Variants in ZNF292 observed in about 807,000 individuals in gnomAD.
ZNF292 encodes the protein 16 zinc-finger domain protein.
In ZNF292, 26 loss-of-function variants were observed where a neutral mutation model predicts 217.9. That is an observed-to-expected ratio of 0.12 (90% confidence interval 0.09 to 0.17). ZNF292 has a LOEUF of 0.17. Ranked by LOEUF, ZNF292 falls within the 10% of genes least tolerant of loss-of-function variation. The pLI is 1.00. For missense variants in ZNF292, 2,904 were observed against 3,175.2 expected, an observed-to-expected ratio of 0.91 and a Z score of 2.05; for synonymous variants, 1,257 against 1,124.1, an observed-to-expected ratio of 1.12 and a Z score of -2.37.
chr6:87,231,052 C>A (rs184096473), intron 4 of ZNF292, among the ~76,000 whole-genome samples: 1 of 152,152 alleles, frequency 6.6e-6, no homozygotes, highest in Admixed American at 6.5e-5. Flanking sequence ...TGAAAACAGT[C>A]TTTGTTGCAA....
intron 1 of ZNF292, among the ~76,000 whole-genome samples, chr6:87,161,794 C>T (rs907241940): frequency 4.6e-5 from 7 of 152,278 alleles, no homozygotes; most frequent in Non-Finnish European, 7.4e-5. Flanking sequence ...TTAAAATTCA[C>T]CCTGAGAAAG....
At position 87,257,397 on chromosome 6, in the gene ZNF292, C is replaced by T. The variant is rs1775287462; in HGVS notation, c.3768C>T (p.Asp1256=). 6.2e-7 allele frequency: 1 copy of T among 1,613,450 alleles called. No individual in the cohort carries two copies. The highest frequency in any genetic ancestry group is 1.7e-5 in the Admixed American group (1 of 59,882). The stretch of plus-strand genomic sequence containing the variant: ...AAACAGTTCTGCCTTTGAATATTGA[C>T]AGTGGCTCAGATCCTTTCCTTCCTT... ...LTKTVLPLNI[D]SGSDPFLPLP... The change falls in exon 8 of 8, where the codon GAC becomes GAT. Residue 1256 remains aspartate (D), a synonymous_variant. Coordinates refer to ENST00000369577, the MANE Select transcript of ZNF292 (RefSeq NM_015021.3).
Position 87,258,144 on chromosome 6 carries a change from T to G in ZNF292, c.4515T>G (p.Gly1505=), listed in dbSNP as rs1775339939. The G allele has an allele frequency of 6.2e-7, 1 of 1,611,864 alleles. No individual in the cohort carries two copies. The highest frequency in any genetic ancestry group is 1.3e-5 in the African/African-American group (1 of 74,870). ...CTGGCATTCCCAGTACATTTGAGGG[T>G]GCCGAAATGCTTTCTCATGTTTCAA... ...ETAGIPSTFE[G]AEMLSHVSTG... The change falls in exon 8 of 8, where the codon GGT becomes GGG. Residue 1505 remains glycine (G), a synonymous_variant. Transcript: ENST00000369577.
In ZNF292 at chr6:87,261,146, C is replaced by G. The variant is rs760314809; in HGVS notation, c.7517C>G (p.Thr2506Ser). The part of the protein sequence containing the change: ...DSTSVETQAN[T>S]SSNVSNDFQE... ...ACAAGTGTAGAGACCCAAGCTAATA[C>G]TTCTTCAAATGTAAGTAATGATTTT... Residue 2506 changes from threonine to serine, a missense_variant, in exon 8 of 8, where the codon ACT becomes AGT. Thr to Ser is a moderately conservative substitution (Grantham distance 58). Coordinates refer to ENST00000369577, the MANE Select transcript of ZNF292 (RefSeq NM_015021.3). The G allele has an allele frequency of 6.2e-7, 1 of 1,612,998 alleles. No individual in the cohort carries two copies. Among genetic ancestry groups the G allele is most frequent in the Admixed American group, 1.7e-5 (1 of 59,854 alleles).
chr6:87,166,001 G>C (rs776123326), intron 1 of ZNF292, among the ~76,000 whole-genome samples: 1 of 152,078 alleles, frequency 6.6e-6, no homozygotes, highest in Admixed American at 6.5e-5. Flanking sequence ...CAGGTGATCT[G>C]CCTGCCTTGG....
Position 87,265,665 on chromosome 6 carries a change from C to T in ZNF292, c.*3864C>T, listed in dbSNP as rs1270218265. On this transcript the variant is annotated 3_prime_UTR_variant, in exon 8 of 8. Transcript: ENST00000369577. ...AATGTTAATACTTAGTTATATCCCA[C>T]TGAACTAGCATTCTAAAGAACACAC... 6.6e-6 allele frequency among the ~76,000 whole-genome samples: 1 copy of T among 152,228 alleles called. No individual in the cohort carries two copies. Among genetic ancestry groups the T allele is most frequent in the Admixed American group, 6.5e-5 (1 of 15,286 alleles).
intron 1 of ZNF292, among the ~76,000 whole-genome samples, chr6:87,210,503 T>C (rs540023030): frequency 6.6e-6 from 1 of 152,096 alleles, no homozygotes; most frequent in Admixed American, 6.5e-5. Context: ...CAAATAACTT[T>C]GTGGGGATCT....
rs1562148714 is a variant in ZNF292, at chr6:87,218,577, GTTTA to G, written c.403-14_403-11del. The G allele has an allele frequency of 3.3e-6, 5 of 1,513,484 alleles. No individual in the cohort carries two copies. Among genetic ancestry groups the G allele is most frequent in the Non-Finnish European group, 4.4e-6 (5 of 1,132,504 alleles). The allele number at this position is 1,513,484 out of a possible 1,614,324, so 93.8% of individuals were successfully genotyped here. On this transcript the variant is annotated splice_polypyrimidine_tract_variant and intron_variant, in intron 3 of 7. Coordinates refer to ENST00000369577, the MANE Select transcript of ZNF292 (RefSeq NM_015021.3). ...AAAAATCTGTTGTAATTCTTTGGAT[GTTTA>G]TTTAATATTTATAGGTAGCTCATGA...
At chr6:87,230,459 C>T (rs914944312) in intron 4 of ZNF292, among the ~76,000 whole-genome samples, 6 of 152,142 alleles carry the variant, frequency 3.9e-5, no homozygotes, top group Admixed American at 1.3e-4. Flanking sequence ...CATGGCCCGG[C>T]GTGGGGGCTC....
In ZNF292 at chr6:87,260,419, G is replaced by T; in HGVS notation, c.6790G>T (p.Asp2264Tyr). ...GVYKCDCEGC[D>Y]RIYATRSNLL... is the part of the protein sequence containing the mutation. ...ATACAAATGTGATTGTGAAGGCTGT[G>T]ACCGTATATATGCAACCCGGTCGAA... The change falls in exon 8 of 8, where the codon GAC becomes TAC. Residue 2264 changes from aspartate (D) to tyrosine (Y), a missense_variant. Coordinates refer to ENST00000369577, the MANE Select transcript of ZNF292 (RefSeq NM_015021.3). The T allele has an allele frequency of 6.2e-7, 1 of 1,613,614 alleles. No homozygotes were observed. The highest frequency in any genetic ancestry group is 8.5e-7 in the Non-Finnish European group (1 of 1,179,688).
intron 1 of ZNF292, among the ~76,000 whole-genome samples, chr6:87,209,835 TAAAC>T (rs949482115): frequency 1.7e-4 from 26 of 152,222 alleles, no homozygotes; most frequent in Non-Finnish European, 2.5e-4. Context: ...GTAACTCACA[TAAAC>T]AACTCTTTGG....
intron 7 of ZNF292, among the ~76,000 whole-genome samples, chr6:87,253,811 G>A (rs3857485): frequency 0.63 from 96,391 of 152,044 alleles, 32,214 homozygotes; most frequent in African/African-American, 0.86. Context: ...TTTTATTCCA[G>A]TGAATGTGGC....
chr6:87,164,265 G>A (rs1473431245), intron 1 of ZNF292, among the ~76,000 whole-genome samples: 4 of 152,148 alleles, frequency 2.6e-5, no homozygotes, highest in Non-Finnish European at 5.9e-5. Context: ...ACTTGGGCTG[G>A]CTCATTTTTC....
At position 87,258,364 on chromosome 6, in the gene ZNF292, A is replaced by G; in HGVS notation, c.4735A>G (p.Thr1579Ala). The G allele has an allele frequency of 6.2e-7, 1 of 1,613,670 alleles. No individual in the cohort carries two copies. The highest frequency in any genetic ancestry group is 8.5e-7 in the Non-Finnish European group (1 of 1,179,772). Residue 1579 changes from threonine (T) to alanine (A), a missense_variant, in exon 8 of 8, where the codon ACT becomes GCT. Thr to Ala is a moderately conservative substitution (Grantham distance 58). Coordinates refer to ENST00000369577, the MANE Select transcript of ZNF292 (RefSeq NM_015021.3). Reference sequence around the variant, plus strand: ...TCCAACGAATGACTTACTACTGAAGACTGTTGAAAATGGTTTGTGCTCTAG... The same window carrying G: ...TCCAACGAATGACTTACTACTGAAGGCTGTTGAAAATGGTTTGTGCTCTAG... The part of the protein sequence containing the change: ...VFPTNDLLLK[T>A]VENGLCSSSF...
chr6:87,179,316 A>G (rs1166700227), intron 1 of ZNF292, among the ~76,000 whole-genome samples: 1 of 151,990 alleles, frequency 6.6e-6, no homozygotes, highest in Admixed American at 6.6e-5. Context: ...GTGCACCATC[A>G]TGCCCAGCTA....
chr6:87,163,554 T>C (rs901274098), intron 1 of ZNF292, among the ~76,000 whole-genome samples: 2 of 152,128 alleles, frequency 1.3e-5, no homozygotes, highest in African/African-American at 4.8e-5. Context: ...AACACTAAGG[T>C]AGCTATGGAG....
chr6:87,257,579 A>C lies in ZNF292; in HGVS notation c.3950A>C (p.Asn1317Thr). ...SSFLKGGNGE[N>T]AVFPSQVNVA... ...TTTCTAAAGGGGGGTAATGGTGAAA[A>C]TGCAGTTTTTCCTTCACAAGTGAAT... The change falls in exon 8 of 8, where the codon AAT becomes ACT. Residue 1317 changes from asparagine to threonine, a missense_variant. Around this residue, in one of 15 missense-constraint regions of ZNF292, gnomAD observed 687 missense variants for 623.0 expected, o/e 1.10. Transcript: ENST00000369577. 1 of 1,606,670 alleles carries C rather than the reference A, an allele frequency of 6.2e-7. No individual in the cohort carries two copies. Among genetic ancestry groups the C allele is most frequent in the East Asian group, 2.2e-5 (1 of 44,774 alleles).
intron 1 of ZNF292, among the ~76,000 whole-genome samples, chr6:87,193,084 G>A (rs1195569963): frequency 1.3e-5 from 2 of 152,182 alleles, no homozygotes; most frequent in African/African-American, 4.8e-5. Context: ...CCACCTTTGG[G>A]CTCAAGCAGT....
chr6:87,239,032 A>G (rs1419955436), intron 5 of ZNF292, among the ~76,000 whole-genome samples: 1 of 152,272 alleles, frequency 6.6e-6, no homozygotes, highest in Non-Finnish European at 1.5e-5. Flanking sequence ...CCAAGGCAGA[A>G]GAATTTTTCT....
Sources: allele counts gnomAD v4.1 joint callset (sites outside exome capture counted in the v4.1 genomes callset), GRCh38; gene constraint gnomAD v4.1.1; regional missense constraint gnomAD v4.1.1; transcripts MANE v1.5; gene names NCBI Gene and HGNC (gene_info 2026-07-23, HGNC 2026-07-21).